PLXDC2: variants seen among roughly 807,000 people sequenced by gnomAD.
The protein encoded by PLXDC2 is plexin domain containing 2.
PLXDC2 carries 40 observed loss-of-function variants against 68.9 expected under a neutral mutation model. The observed-to-expected ratio is 0.58, with a 90% CI of 0.45 to 0.76. The LOEUF is 0.76. Among genes scored for constraint, PLXDC2 ranks in the 30% least tolerant of loss-of-function variants. PLXDC2 has a pLI of 0.00. For missense variants in PLXDC2, 644 were observed against 661.9 expected (o/e 0.97, Z 0.30); for synonymous variants, 243 against 234.2 (o/e 1.04, Z -0.34).
At chr10:19,961,220 T>G (rs1834149983) in intron 1 of PLXDC2, among the ~76,000 whole-genome samples, 1 of 152,244 alleles carries the variant, frequency 6.6e-6, no homozygotes, top group Non-Finnish European at 1.5e-5. Context: ...ATGTACGCTG[T>G]GCAAACTCAT....
At chr10:20,143,245 T>C in intron 4 of PLXDC2, 50 bp from the exon 5 acceptor site, 1 of 1,551,168 alleles carries the variant, frequency 6.4e-7, no homozygotes, top group Non-Finnish European at 8.7e-7. Flanking sequence ...TAATCATAAT[T>C]TTATATGGGC....
chr10:20,200,109 A>C (rs986168761), intron 9 of PLXDC2, among the ~76,000 whole-genome samples: 3 of 151,588 alleles, frequency 2.0e-5, no homozygotes, highest in Middle Eastern at 3.2e-3. Context: ...AGACTTCACT[A>C]TGTAAATATA....
intron 2 of PLXDC2, among the ~76,000 whole-genome samples, chr10:20,044,266 T>TTTCTTTC (rs1835755169): frequency 7.6e-6 from 1 of 131,474 alleles, no homozygotes; most frequent in East Asian, 2.2e-4. Flanking sequence ...TCTTTCTTTC[T>TTTCTTTC]TTCTTTCTTT....
At chr10:20,065,195 A>G (rs951827189) in intron 3 of PLXDC2, among the ~76,000 whole-genome samples, 20 of 152,214 alleles carry the variant, frequency 1.3e-4, no homozygotes, top group Non-Finnish European at 2.1e-4. Context: ...GTCAGAAGGG[A>G]TGTCATGTGT....
chr10:19,987,063 C>T (rs917073470), intron 1 of PLXDC2, among the ~76,000 whole-genome samples: 2 of 152,184 alleles, frequency 1.3e-5, no homozygotes, highest in African/African-American at 2.4e-5. Flanking sequence ...AGTACTACCA[C>T]TGTTTGTATT....
chr10:20,025,954 G>A (rs868301076), intron 2 of PLXDC2, among the ~76,000 whole-genome samples: 1 of 151,862 alleles, frequency 6.6e-6, no homozygotes, highest in Non-Finnish European at 1.5e-5. Context: ...TTACAGATTA[G>A]TGAAAAGAAC....
At chr10:19,901,333 C>T (rs1409136548) in intron 1 of PLXDC2, among the ~76,000 whole-genome samples, 1 of 152,114 alleles carries the variant, frequency 6.6e-6, no homozygotes, top group Non-Finnish European at 1.5e-5. Flanking sequence ...TCCCTGCCAA[C>T]ATCTTTTATT....
At position 20,209,257 on chromosome 10, in the gene PLXDC2, G is replaced by A. The variant is rs1012271713; in HGVS notation, c.1062-2412G>A. Among the ~76,000 whole-genome samples the A allele has an allele frequency of 3.8e-4, 58 of 152,000 alleles. 1 individual carries two copies. The highest frequency in any genetic ancestry group is 2.4e-3 in the Admixed American group (37 of 15,246). The stretch of plus-strand genomic sequence containing the variant: ...GCAGCTGCAACCTTAGAAGACGGCC[G>A]CCCCTGAAGCGGCCATTTCAGAGGC... On this transcript the variant is annotated intron_variant, in intron 9 of 13. Transcript: ENST00000377252.
chr10:19,819,624 T>A (rs1836427250), intron 1 of PLXDC2, among the ~76,000 whole-genome samples: 2 of 152,244 alleles, frequency 1.3e-5, no homozygotes, highest in Admixed American at 1.3e-4. Context: ...GCAGTTGATT[T>A]CATTGCCACC....
At chr10:20,121,406 G>A (rs1833695790) in intron 4 of PLXDC2, among the ~76,000 whole-genome samples, 1 of 152,150 alleles carries the variant, frequency 6.6e-6, no homozygotes, top group Non-Finnish European at 1.5e-5. Context: ...TGAGGTTTGG[G>A]AGATTAATCG....
chr10:20,273,247 C>T (rs1835961993), intron 13 of PLXDC2, among the ~76,000 whole-genome samples: 2 of 152,040 alleles, frequency 1.3e-5, no homozygotes, highest in Admixed American at 1.3e-4. Flanking sequence ...TTTTTTATGG[C>T]AATATTTTAT....
intron 1 of PLXDC2, among the ~76,000 whole-genome samples, chr10:19,987,797 C>G (rs919107749): frequency 6.6e-6 from 1 of 151,992 alleles, no homozygotes; most frequent in African/African-American, 2.4e-5. Context: ...ATCGATCTCC[C>G]GACCTTGTGA....
chr10:19,933,638 A>G (rs923657927), intron 1 of PLXDC2, among the ~76,000 whole-genome samples: 2 of 151,956 alleles, frequency 1.3e-5, no homozygotes, highest in Non-Finnish European at 2.9e-5. Flanking sequence ...GTCTCAAAAA[A>G]CAAAAACAAA....
At chr10:20,201,198 C>T (rs1393585339) in intron 9 of PLXDC2, among the ~76,000 whole-genome samples, 1 of 151,938 alleles carries the variant, frequency 6.6e-6, no homozygotes, top group Non-Finnish European at 1.5e-5. Flanking sequence ...TACTGTTCAG[C>T]CTTATAAAGA....
intron 9 of PLXDC2, among the ~76,000 whole-genome samples, chr10:20,185,160 G>GA (rs11307851): frequency 0.025 from 1,413 of 56,008 alleles, 134 homozygotes; most frequent in African/African-American, 0.062. Flanking sequence ...GAACTGAAAG[G>GA]AAAAAAAAAA....
At chr10:20,087,561 A>G (rs986728943) in intron 4 of PLXDC2, among the ~76,000 whole-genome samples, 1 of 152,142 alleles carries the variant, frequency 6.6e-6, no homozygotes, top group South Asian at 2.1e-4. Flanking sequence ...TACAGATCCA[A>G]TAGGAGCTTC....
intron 13 of PLXDC2, among the ~76,000 whole-genome samples, chr10:20,277,710 A>G (rs1836026785): frequency 1.3e-5 from 2 of 152,204 alleles, no homozygotes; most frequent in South Asian, 4.1e-4. Context: ...AGAATACAAA[A>G]TAAGATCAAA....
chr10:20,044,223 T>C (rs1160722214), intron 2 of PLXDC2, among the ~76,000 whole-genome samples: 26 of 29,586 alleles, frequency 8.8e-4, no homozygotes, highest in African/African-American at 3.2e-3. Flanking sequence ...CTTTCTTTCT[T>C]TCTTTCTTTC....
At chr10:20,253,192 C>T (rs985438052) in intron 13 of PLXDC2, among the ~76,000 whole-genome samples, 2 of 151,640 alleles carry the variant, frequency 1.3e-5, no homozygotes, top group African/African-American at 4.8e-5. Flanking sequence ...TGGTGAAACC[C>T]CACCTCTACT....
Sources: allele counts gnomAD v4.1 joint callset (sites outside exome capture counted in the v4.1 genomes callset), GRCh38; gene constraint gnomAD v4.1.1; transcripts MANE v1.5; gene names NCBI Gene and HGNC (gene_info 2026-07-23, HGNC 2026-07-21).